Variants in STON1 observed in about 807,000 individuals in gnomAD.
The protein encoded by STON1 is stonin-1.
STON1 carries 79 observed loss-of-function variants against 60.9 expected under a neutral mutation model. The observed-to-expected ratio is 1.30, with a 90% CI of 1.08 to 1.56. The LOEUF (loss-of-function observed/expected upper bound fraction) is 1.56, where lower values mean the gene tolerates loss of function less well. STON1 is among the 40% of genes most tolerant of loss of function. STON1 has a pLI of 0.00. For missense variants in STON1, 1,166 were observed against 858.9 expected (o/e 1.36, Z -4.47); for synonymous variants, 363 against 306.9 (o/e 1.18, Z -1.91).
intron 1 of STON1, among the ~76,000 whole-genome samples, chr2:48,578,173 C>T (rs1558626911): frequency 6.6e-6 from 1 of 152,064 alleles, no homozygotes; most frequent in Non-Finnish European, 1.5e-5. Flanking sequence ...GATGGGGTTT[C>T]ACCATGTTGG....
chr2:48,582,160 C>G lies in STON1; in HGVS notation c.1527C>G (p.Ala509=). The change falls in exon 2 of 4, where the codon GCC becomes GCG. Residue 509 remains alanine, a synonymous_variant. Coordinates refer to ENST00000404752, the MANE Select transcript of STON1 (RefSeq NM_006873.4). ...SRIIKFVPLD[A]CRFELMRFKT... ...TCATTAAGTTTGTACCTCTGGATGC[C>G]TGCCGGTTTGAGCTGATGCGTTTCA... is the stretch of plus-strand genomic sequence containing the variant. 6.2e-7 allele frequency: 1 copy of G among 1,614,194 alleles called. No homozygotes were observed.
chr2:48,583,474 C>G (rs907531177), intron 2 of STON1, among the ~76,000 whole-genome samples: 1 of 152,182 alleles, frequency 6.6e-6, no homozygotes, highest in African/African-American at 2.4e-5. Flanking sequence ...TAAAAATTAT[C>G]TAAAAGTCAG....
At chr2:48,568,367 A>G (rs982969983) in intron 1 of STON1, among the ~76,000 whole-genome samples, 6 of 152,152 alleles carry the variant, frequency 3.9e-5, no homozygotes, top group African/African-American at 1.4e-4. Context: ...CATGCATCTA[A>G]TCTGACTTCA....
intron 1 of STON1, chr2:48,531,130 T>TTGTTTCCTGGG (rs1558557546): frequency 6.6e-6 from 1 of 152,166 alleles, no homozygotes. Context: ...TCCTGGGAGA[T>TTGTTTCCTGGG]AGAAGTTCAG....
Position 48,581,510 on chromosome 2 carries a change from C to T in STON1, c.877C>T (p.Gln293Ter), listed in dbSNP as rs1457318710. The change falls in exon 2 of 4, where the codon CAA becomes TAA. Residue 293 changes from glutamine to a stop codon, truncating the protein, a stop_gained. Coordinates refer to ENST00000404752, the MANE Select transcript of STON1 (RefSeq NM_006873.4). LOFTEE classifies it high-confidence loss of function. ...PEKKNMMSSR[Q>*]WGPIFLKVLP... ...GAAGAAGAATATGATGTCTTCCCGGCAATGGGGACCAATTTTTCTGAAAGT... is the reference window on the plus strand; with the variant it reads ...GAAGAAGAATATGATGTCTTCCCGGTAATGGGGACCAATTTTTCTGAAAGT... 1.2e-6 allele frequency: 2 copies of T among 1,614,222 alleles called. No individual in the cohort carries two copies. Among genetic ancestry groups the T allele is most frequent in the Non-Finnish European group, 1.7e-6 (2 of 1,180,036 alleles).
rs1324753876 is a variant in STON1, at chr2:48,595,459, A to G, written c.*157A>G. 1.6e-6 allele frequency: 1 copy of G among 606,196 alleles called. No homozygotes were observed. The highest frequency in any genetic ancestry group is 2.8e-6 in the Non-Finnish European group (1 of 352,584). 37.6% of individuals were successfully genotyped at this position (606,196 alleles called of 1,614,324 possible). ...TAGAGAAGTTTAGACCTAAAACCGA[A>G]CAATCTGTATTTTTTGCTTTTCATG... is the stretch of plus-strand genomic sequence containing the variant. On this transcript the variant is annotated 3_prime_UTR_variant, in exon 4 of 4. Coordinates refer to ENST00000404752, the MANE Select transcript of STON1 (RefSeq NM_006873.4).
intron 1 of STON1, among the ~76,000 whole-genome samples, chr2:48,533,442 A>G (rs897667581): frequency 1.3e-5 from 2 of 151,770 alleles, no homozygotes; most frequent in Non-Finnish European, 2.9e-5. Flanking sequence ...TAATCCCAAC[A>G]TTTTGGGAGG....
intron 1 of STON1, among the ~76,000 whole-genome samples, chr2:48,543,166 G>T (rs1271185014): frequency 6.6e-6 from 1 of 151,814 alleles, no homozygotes; most frequent in Admixed American, 6.6e-5. Context: ...GTAGAGATGG[G>T]GTTTCACCAT....
chr2:48,582,609 A>C lies in STON1; in HGVS notation c.1930+46A>C, dbSNP rs547018091. Reference sequence around the variant, plus strand: ...GTTTATTTTCATGGGAAATAGCTTAAATATTCTTACCTTCCTCCTTGGGTT... The same window carrying C: ...GTTTATTTTCATGGGAAATAGCTTACATATTCTTACCTTCCTCCTTGGGTT... On this transcript the variant is annotated intron_variant, in intron 2 of 3. Coordinates refer to ENST00000404752, the MANE Select transcript of STON1 (RefSeq NM_006873.4). 9.0e-5 allele frequency: 141 copies of C among 1,571,108 alleles called. 4 individuals are homozygous for C. The South Asian group carries it at 1.6e-3, about 18-fold the overall frequency.
At chr2:48,558,947 G>C (rs934010137) in intron 1 of STON1, among the ~76,000 whole-genome samples, 9 of 152,176 alleles carry the variant, frequency 5.9e-5, no homozygotes, top group African/African-American at 2.2e-4. Context: ...CTGAAATCTC[G>C]AAAGTTAGGA....
intron 1 of STON1, among the ~76,000 whole-genome samples, chr2:48,552,979 A>C (rs1482688443): frequency 6.6e-6 from 1 of 152,082 alleles, no homozygotes; most frequent in Non-Finnish European, 1.5e-5. Flanking sequence ...TGGCAAATGG[A>C]CATCCAAGGT....
chr2:48,559,109 A>G (rs1672504944), intron 1 of STON1, among the ~76,000 whole-genome samples: 1 of 152,218 alleles, frequency 6.6e-6, no homozygotes, highest in Admixed American at 6.5e-5. Flanking sequence ...TCTGGTCCCA[A>G]GCGTTTTAGA....
intron 1 of STON1, among the ~76,000 whole-genome samples, chr2:48,568,595 C>A (rs551680256): frequency 9.2e-5 from 14 of 152,068 alleles, no homozygotes; most frequent in African/African-American, 3.1e-4. Context: ...AGAGGCAGGG[C>A]ACCTAAATCT....
At chr2:48,531,254 C>T (rs1671200538) in intron 1 of STON1, 1 of 152,190 alleles carries the variant, frequency 6.6e-6, no homozygotes, top group Non-Finnish European at 1.5e-5. Context: ...CCTGGCATTC[C>T]CGTCTGCATA....
At chr2:48,585,222 T>A (rs1471665892) in intron 2 of STON1, among the ~76,000 whole-genome samples, 1 of 151,310 alleles carries the variant, frequency 6.6e-6, no homozygotes, top group Non-Finnish European at 1.5e-5. Flanking sequence ...TATGATATAA[T>A]CCACTGAGAT....
chr2:48,576,343 C>G (rs1263925081), intron 1 of STON1, among the ~76,000 whole-genome samples: 1 of 151,418 alleles, frequency 6.6e-6, no homozygotes, highest in Non-Finnish European at 1.5e-5. Flanking sequence ...GCACCCACCA[C>G]CACACCCAGC....
intron 1 of STON1, among the ~76,000 whole-genome samples, chr2:48,565,958 C>T (rs1162911392): frequency 1.3e-5 from 2 of 152,180 alleles, no homozygotes; most frequent in Non-Finnish European, 2.9e-5. Flanking sequence ...CGAATACCCA[C>T]CCAACTCCAA....
intron 1 of STON1, among the ~76,000 whole-genome samples, chr2:48,542,386 A>G (rs1472367330): frequency 3.3e-5 from 5 of 152,332 alleles, no homozygotes; most frequent in East Asian, 3.9e-4. Context: ...CTAATTAGAT[A>G]TGTGGCCTTT....
intron 1 of STON1, among the ~76,000 whole-genome samples, chr2:48,555,313 G>A (rs1317534240): frequency 1.3e-3 from 12 of 9,396 alleles, no homozygotes; most frequent in Middle Eastern, 0.038. Flanking sequence ...CTGGCCGGGC[G>A]GGGGGGGCTG....
Sources: allele counts gnomAD v4.1 joint callset (sites outside exome capture counted in the v4.1 genomes callset), GRCh38; gene constraint gnomAD v4.1.1; transcripts MANE v1.5; gene names NCBI Gene and HGNC (gene_info 2026-07-23, HGNC 2026-07-21).